The following EDIL3 variants were observed in gnomAD, a reference collection of about 807,000 sequenced individuals.
The protein encoded by EDIL3 is EGF-like repeat and discoidin I-like domain-containing protein 3.
EDIL3 carries 37 observed loss-of-function variants against 67.4 expected under a neutral mutation model. That is an observed-to-expected ratio of 0.55 (90% CI 0.42 to 0.72). EDIL3 has a LOEUF of 0.72. Among genes scored for constraint, EDIL3 ranks in the 30% least tolerant of loss-of-function variants. The pLI, the probability that EDIL3 is intolerant of heterozygous loss-of-function variation, is 0.00. For synonymous variants in EDIL3, 195 were observed against 196.3 expected, an observed-to-expected ratio of 0.99 and a Z score of 0.05; for missense variants, 527 against 586.3, an observed-to-expected ratio of 0.90 and a Z score of 1.04.
At chr5:84,066,216 A>T (rs547986509) in intron 7 of EDIL3, among the ~76,000 whole-genome samples, 13 of 152,260 alleles carry the variant, frequency 8.5e-5, no homozygotes, top group African/African-American at 3.1e-4. Context: ...CACCTGTGTC[A>T]AAGTATTTGT....
intron 1 of EDIL3, among the ~76,000 whole-genome samples, chr5:84,286,057 C>T (rs1397764352): frequency 6.6e-6 from 1 of 152,108 alleles, no homozygotes; most frequent in Non-Finnish European, 1.5e-5. Context: ...AACTCTTGTC[C>T]TGTATCTTTA....
intron 10 of EDIL3, among the ~76,000 whole-genome samples, chr5:83,959,640 T>TC (rs2112126022): frequency 1.3e-5 from 2 of 151,014 alleles, no homozygotes; most frequent in South Asian, 4.2e-4. Flanking sequence ...GACTTTTTTT[T>TC]CCTCTTATGG....
intron 2 of EDIL3, among the ~76,000 whole-genome samples, chr5:84,237,770 T>C (rs571181875): frequency 3.5e-4 from 54 of 152,288 alleles, no homozygotes; most frequent in African/African-American, 1.3e-3. Context: ...ATCAGCCTAT[T>C]TTTTAAAAAA....
intron 1 of EDIL3, among the ~76,000 whole-genome samples, chr5:84,271,837 A>G (rs897756752): frequency 3.3e-5 from 5 of 152,184 alleles, no homozygotes; most frequent in African/African-American, 1.2e-4. Flanking sequence ...CTCAGGCAGG[A>G]TGGCATAAAT....
intron 5 of EDIL3, among the ~76,000 whole-genome samples, chr5:84,117,857 A>C (rs564499654): frequency 6.6e-6 from 1 of 152,300 alleles, no homozygotes; most frequent in Non-Finnish European, 1.5e-5. Context: ...ATAAAGTCAC[A>C]AACATAAAAT....
chr5:84,069,524 C>T (rs1427519120), intron 6 of EDIL3, among the ~76,000 whole-genome samples: 1 of 151,934 alleles, frequency 6.6e-6, no homozygotes, highest in African/African-American at 2.4e-5. Flanking sequence ...ACCTAGAAAG[C>T]ACTTAGAACA....
chr5:84,230,931 G>T (rs530255855), intron 2 of EDIL3, among the ~76,000 whole-genome samples: 1 of 152,128 alleles, frequency 6.6e-6, no homozygotes, highest in South Asian at 2.1e-4. Flanking sequence ...CCCACATATG[G>T]ATACACATAG....
chr5:84,158,378 C>T (rs1366352299), intron 4 of EDIL3, among the ~76,000 whole-genome samples: 1 of 151,972 alleles, frequency 6.6e-6, no homozygotes, highest in African/African-American at 2.4e-5. Flanking sequence ...ATCCAATTCC[C>T]ACTAGCAATA....
chr5:84,376,326 A>G (rs757778074), intron 1 of EDIL3, among the ~76,000 whole-genome samples: 4 of 152,098 alleles, frequency 2.6e-5, no homozygotes, highest in Non-Finnish European at 5.9e-5. Flanking sequence ...TCCCTAAGTA[A>G]TGAAAAGAAA....
At chr5:84,376,273 C>T (rs2112218501) in intron 1 of EDIL3, among the ~76,000 whole-genome samples, 1 of 152,170 alleles carries the variant, frequency 6.6e-6, no homozygotes, top group African/African-American at 2.4e-5. Flanking sequence ...AAGAATGTAC[C>T]TTGTTAACTT....
intron 9 of EDIL3, among the ~76,000 whole-genome samples, chr5:83,983,922 C>A (rs1318101840): frequency 6.6e-6 from 1 of 151,690 alleles, no homozygotes; most frequent in Non-Finnish European, 1.5e-5. Flanking sequence ...AAGTCTGATG[C>A]CAATTTGCCA....
chr5:84,283,032 T>A (rs746822081), intron 1 of EDIL3, among the ~76,000 whole-genome samples: 1 of 151,996 alleles, frequency 6.6e-6, no homozygotes, highest in African/African-American at 2.4e-5. Flanking sequence ...ATAAAATGCA[T>A]CTATTTCTTT....
chr5:84,325,138 A>G (rs1437972787), intron 1 of EDIL3, among the ~76,000 whole-genome samples: 1 of 151,932 alleles, frequency 6.6e-6, no homozygotes, highest in African/African-American at 2.4e-5. Context: ...AAAATGAACT[A>G]CATGATTTTT....
chr5:84,017,598 T>C (rs1334782424), intron 9 of EDIL3, among the ~76,000 whole-genome samples: 1 of 148,496 alleles, frequency 6.7e-6, no homozygotes, highest in Non-Finnish European at 1.5e-5. Flanking sequence ...TTTTAAAAGC[T>C]ACATTTTAAA....
At chr5:84,337,392 G>A (rs936909715) in intron 1 of EDIL3, among the ~76,000 whole-genome samples, 7 of 152,140 alleles carry the variant, frequency 4.6e-5, no homozygotes. Context: ...AGACTACTGA[G>A]CTAGAAATTT....
chr5:84,166,161 C>T (rs1411382836), intron 4 of EDIL3, among the ~76,000 whole-genome samples: 3 of 152,110 alleles, frequency 2.0e-5, no homozygotes, highest in Non-Finnish European at 2.9e-5. Flanking sequence ...CTACATGGCT[C>T]CTCATATTCA....
At chr5:84,043,859 G>A (rs11750736) in intron 9 of EDIL3, among the ~76,000 whole-genome samples, 27,550 of 152,076 alleles carry the variant, frequency 0.18, 2,906 homozygotes, top group Admixed American at 0.24. Context: ...ATTCCAAAGC[G>A]GTTCCTATAG....
intron 1 of EDIL3, among the ~76,000 whole-genome samples, chr5:84,348,759 CCAATTTCTACTGAAGG>C (rs1747290887): frequency 6.6e-6 from 1 of 152,094 alleles, no homozygotes; most frequent in African/African-American, 2.4e-5. Flanking sequence ...CAGAAGGTCT[CCAATTTCTACTGAAGG>C]CATAAGTATC....
At chr5:84,068,134 G>C (rs1746675484) in intron 6 of EDIL3, among the ~76,000 whole-genome samples, 1 of 152,192 alleles carries the variant, frequency 6.6e-6, no homozygotes, top group Non-Finnish European at 1.5e-5. Flanking sequence ...TATGCAACTT[G>C]AAAGAGGGAA....
Sources: gnomAD v4.1 joint callset for allele counts (sites outside exome capture counted in the v4.1 genomes callset) on GRCh38, gnomAD v4.1.1 for gene constraint, MANE v1.5 for transcripts, NCBI Gene and HGNC (gene_info 2026-07-23, HGNC 2026-07-21) for gene names.